RNF220: variants seen among roughly 807,000 people sequenced by gnomAD.
The protein encoded by RNF220 is E3 ubiquitin-protein ligase RNF220.
RNF220 carries 7 observed loss-of-function variants against 67.1 expected under a neutral mutation model. That is an observed-to-expected ratio of 0.10 (90% CI 0.06 to 0.20). The LOEUF (loss-of-function observed/expected upper bound fraction) is 0.20, where lower values mean the gene tolerates loss of function less well. RNF220 is among the 10% of genes least tolerant of loss of function. The pLI, the probability that RNF220 is intolerant of heterozygous loss-of-function variation, is 1.00. For synonymous variants in RNF220, 270 were observed against 283.2 expected, an observed-to-expected ratio of 0.95 and a Z score of 0.47; for missense variants, 565 against 740.3, an observed-to-expected ratio of 0.76 and a Z score of 2.75.
rs562996985 is a variant in RNF220 at position 44,424,044 on chromosome 1, G to C, written c.625+11322G>C. On this transcript the variant is annotated intron_variant, in intron 2 of 14. Coordinates refer to ENST00000361799, the MANE Select transcript of RNF220 (RefSeq NM_018150.4). ...CTCTACATCCACGAACATTTCCTGA[G>C]CTCCTGTGTGTAGAGCGTTGTGCTC... 3 of 984,222 alleles carry C rather than the reference G, an allele frequency of 3.0e-6. No homozygotes were observed. The African/African-American group carries it at 5.2e-5, about 17-fold the overall frequency. The allele number at this position is 984,222 out of a possible 1,614,324, so 61.0% of individuals were successfully genotyped here. A position where few individuals can be genotyped will look rare whatever the true frequency, so the allele number is the denominator to read the frequency against.
intron 2 of RNF220, among the ~76,000 whole-genome samples, chr1:44,413,679 G>T (rs1202854661): frequency 6.6e-6 from 1 of 152,138 alleles, no homozygotes; most frequent in Non-Finnish European, 1.5e-5. Context: ...GCAACCCTTT[G>T]TTCTCAGATT....
rs867094713 is a variant in RNF220 at position 44,542,317 on chromosome 1, G to A, written c.626-71848G>A. Among the ~76,000 whole-genome samples, 5 of 152,208 alleles carry A rather than the reference G, an allele frequency of 3.3e-5. No individual in the cohort carries two copies. In the East Asian group the frequency reaches 7.7e-4, roughly 23 times the overall value. On this transcript the variant is annotated intron_variant, in intron 2 of 14. Coordinates refer to ENST00000361799, the MANE Select transcript of RNF220 (RefSeq NM_018150.4). ...AGTCTTTTATCTGTATCTGGGTGCC[G>A]TGAGTCCAAGGCTGTGGCCTCACTG...
intron 2 of RNF220, among the ~76,000 whole-genome samples, chr1:44,438,731 T>A (rs1651242074): frequency 6.6e-6 from 1 of 152,202 alleles, no homozygotes; most frequent in Non-Finnish European, 1.5e-5. Flanking sequence ...TCTGCCATGA[T>A]TTTTAGAGGA....
At chr1:44,436,576 C>T (rs1345373452) in intron 2 of RNF220, among the ~76,000 whole-genome samples, 5 of 152,104 alleles carry the variant, frequency 3.3e-5, no homozygotes, top group Non-Finnish European at 7.4e-5. Flanking sequence ...AGTCCTGAAC[C>T]TTTTGAGGTT....
intron 2 of RNF220, among the ~76,000 whole-genome samples, chr1:44,534,146 G>GT (rs1661030917): frequency 6.6e-6 from 1 of 151,896 alleles, no homozygotes; most frequent in African/African-American, 2.4e-5. Context: ...GGCTAATTTT[G>GT]TTTACTTTTT....
intron 2 of RNF220, among the ~76,000 whole-genome samples, chr1:44,413,489 A>ACTT (rs1648203450): frequency 6.6e-6 from 1 of 152,178 alleles, no homozygotes. Flanking sequence ...CTCTGGCTAC[A>ACTT]CTTATAGCTG....
At chr1:44,646,486 C>T (rs188490373) in intron 12 of RNF220, among the ~76,000 whole-genome samples, 173 of 152,366 alleles carry the variant, frequency 1.1e-3, no homozygotes, top group African/African-American at 3.8e-3. Context: ...ATGGGTTCTG[C>T]GCAACCAGCT....
intron 2 of RNF220, among the ~76,000 whole-genome samples, chr1:44,536,779 G>A (rs1348172037): frequency 6.6e-6 from 1 of 152,160 alleles, no homozygotes; most frequent in Non-Finnish European, 1.5e-5. Flanking sequence ...AAATCCGCCT[G>A]CAGATAATTG....
At chr1:44,489,180 A>G (rs1023282811) in intron 2 of RNF220, among the ~76,000 whole-genome samples, 25 of 152,202 alleles carry the variant, frequency 1.6e-4, no homozygotes, top group African/African-American at 5.8e-4. Flanking sequence ...GAACACATGA[A>G]CATGGCATGT....
chr1:44,421,026 C>T (rs573337593), intron 2 of RNF220, among the ~76,000 whole-genome samples: 1 of 152,286 alleles, frequency 6.6e-6, no homozygotes, highest in African/African-American at 2.4e-5. Context: ...GGGAGAAAGG[C>T]TTGAAAGCCC....
chr1:44,632,157 G>T (rs1557460180), intron 5 of RNF220, 186 bp from the exon 6 acceptor site: 1 of 1,549,682 alleles, frequency 6.5e-7, no homozygotes, highest in Admixed American at 2.0e-5. Flanking sequence ...CGGCGGCTAT[G>T]CCGAGAGCCC....
rs1298583171 is a variant in RNF220, at chr1:44,417,528, C to A, written c.625+4806C>A. Among the ~76,000 whole-genome samples, 2 of 152,120 alleles carry A rather than the reference C, an allele frequency of 1.3e-5. No homozygotes were observed. The highest frequency in any genetic ancestry group is 2.4e-5 in the African/African-American group (1 of 41,420). On this transcript the variant is annotated intron_variant, in intron 2 of 14. Coordinates refer to ENST00000361799, the MANE Select transcript of RNF220 (RefSeq NM_018150.4). The surrounding 1 kb of genome is among the most constrained non-coding windows in gnomAD (Gnocchi z 4.0). The stretch of plus-strand genomic sequence containing the variant: ...TGTGCTCCCGCTCTTCCCCTGCCCT[C>A]GCTCCACGCCGCGCCGCTCTGTGCG...
At position 44,636,044 on chromosome 1, in the gene RNF220, C is replaced by T. The variant is rs200862281; in HGVS notation, c.1008C>T (p.Cys336=). 1.2e-5 allele frequency: 20 copies of T among 1,614,238 alleles called. No homozygotes were observed. In the East Asian group the frequency reaches 4.2e-4, roughly 34 times the overall value. ...KQDEGQREGS[C]MAEDDAVDIE... is the part of the protein sequence containing the mutation. The stretch of plus-strand genomic sequence containing the variant: ...GCTCTTCACAGAGGGAAGGCTCCTG[C>T]ATGGCTGAGGATGATGCTGTGGACA... Residue 336 remains cysteine (C), a synonymous_variant, in exon 8 of 15, where the codon TGC becomes TGT. Coordinates refer to ENST00000361799, the MANE Select transcript of RNF220 (RefSeq NM_018150.4).
chr1:44,542,658 G>T (rs1409102666), intron 2 of RNF220, among the ~76,000 whole-genome samples: 1 of 152,144 alleles, frequency 6.6e-6, no homozygotes, highest in African/African-American at 2.4e-5. Context: ...TGCACTTCAG[G>T]GTGATCCGTA....
At chr1:44,443,956 T>C (rs1166352461) in intron 2 of RNF220, among the ~76,000 whole-genome samples, 1 of 152,164 alleles carries the variant, frequency 6.6e-6, no homozygotes, top group Non-Finnish European at 1.5e-5. Context: ...CCGAACATGT[T>C]GGCGCATGCC....
chr1:44,630,971 G>A (rs950744244), intron 5 of RNF220, among the ~76,000 whole-genome samples: 3 of 152,248 alleles, frequency 2.0e-5, no homozygotes, highest in Non-Finnish European at 2.9e-5. Flanking sequence ...ATGGGTTGCA[G>A]AGAGAGAAGC....
At chr1:44,599,497 A>G (rs1666771560) in intron 2 of RNF220, among the ~76,000 whole-genome samples, 1 of 152,074 alleles carries the variant, frequency 6.6e-6, no homozygotes, top group African/African-American at 2.4e-5. Context: ...ACATGACACA[A>G]CCCTATCTCT....
intron 2 of RNF220, among the ~76,000 whole-genome samples, chr1:44,456,577 C>G (rs765017916): frequency 1.2e-4 from 19 of 152,192 alleles, no homozygotes; most frequent in African/African-American, 4.6e-4. Flanking sequence ...AGTCCCTGTC[C>G]TCAAGGAGCT....
intron 2 of RNF220, among the ~76,000 whole-genome samples, chr1:44,484,313 A>C (rs970148825): frequency 4.6e-5 from 7 of 152,104 alleles, no homozygotes; most frequent in African/African-American, 1.4e-4. Flanking sequence ...AATGGCTTAC[A>C]TCACCTCCAC....
Sources: gnomAD v4.1 joint callset for allele counts (sites outside exome capture counted in the v4.1 genomes callset) on GRCh38, gnomAD v4.1.1 for gene constraint, Gnocchi (gnomAD v3.1) non-coding constraint, MANE v1.5 for transcripts, NCBI Gene and HGNC (gene_info 2026-07-23, HGNC 2026-07-21) for gene names.